FA2H: variants seen among roughly 807,000 people sequenced by gnomAD.
FA2H encodes the protein fatty acid 2-hydroxylase.
Under a neutral mutation model 44.9 loss-of-function variants are expected in FA2H, and 22 were observed. That is an observed-to-expected ratio of 0.49 (90% CI 0.35 to 0.70). FA2H has a LOEUF of 0.70. Among genes scored for constraint, FA2H ranks in the 30% least tolerant of loss-of-function variants. FA2H has a pLI of 0.01. For missense variants in FA2H, 501 were observed against 504.9 expected, an observed-to-expected ratio of 0.99 and a Z score of 0.07; for synonymous variants, 243 against 213.2, an observed-to-expected ratio of 1.14 and a Z score of -1.22.
In FA2H at chr16:74,714,161, T is replaced by G. The variant is rs769964325; in HGVS notation, c.*29A>C. 1.4e-5 allele frequency: 20 copies of G among 1,473,322 alleles called. No homozygotes were observed. Among genetic ancestry groups the G allele is most frequent in the Non-Finnish European group, 1.5e-5 (16 of 1,076,210 alleles). 91.3% of individuals were successfully genotyped at this position (1,473,322 alleles called of 1,614,324 possible). ...GGTCGGGAAGGGGCCAGGGCCGGGC[T>G]GAGGGCAGGACGGAGGGGGTGGGAG... On this transcript the variant is annotated 3_prime_UTR_variant, in exon 7 of 7. Coordinates refer to ENST00000219368, the MANE Select transcript of FA2H (RefSeq NM_024306.5).
At position 74,712,997 on chromosome 16, in the gene FA2H, C is replaced by T. The variant is rs764667334; in HGVS notation, c.*1193G>A. 3 of 152,586 alleles carry T rather than the reference C, an allele frequency of 2.0e-5. No homozygotes were observed. The highest frequency in any genetic ancestry group is 1.3e-4 in the Admixed American group (2 of 15,274). The allele number at this position is 152,586 out of a possible 1,614,324, so 9.5% of individuals were successfully genotyped here. A position where few individuals can be genotyped will look rare whatever the true frequency, so the allele number is the denominator to read the frequency against. On this transcript the variant is annotated 3_prime_UTR_variant, in exon 7 of 7. Coordinates refer to ENST00000219368, the MANE Select transcript of FA2H (RefSeq NM_024306.5). Reference sequence around the variant, plus strand: ...TCAGTGTTTTATTTTTCAAAATATACAATTTAAGTTTTTATTTCACAACCG... The same window carrying T: ...TCAGTGTTTTATTTTTCAAAATATATAATTTAAGTTTTTATTTCACAACCG...
chr16:74,760,942 A>G (rs1206286968), intron 1 of FA2H, among the ~76,000 whole-genome samples: 1 of 152,080 alleles, frequency 6.6e-6, no homozygotes, highest in Non-Finnish European at 1.5e-5. Context: ...TAAGAGTTCA[A>G]GTAGAAATCT....
In FA2H at chr16:74,716,338, C is replaced by T; in HGVS notation, c.1039+9G>A. 1.9e-6 allele frequency: 3 copies of T among 1,613,426 alleles called. No homozygotes were observed. Among genetic ancestry groups the T allele is most frequent in the African/African-American group, 2.7e-5 (2 of 74,956 alleles). ...CATAGGGGGCTGGGAAGCACAGGCC[C>T]ATCCTCACCTGACTTCTGATGTGCA... On this transcript the variant is annotated intron_variant, in intron 6 of 6. Transcript: ENST00000219368.
intron 1 of FA2H, among the ~76,000 whole-genome samples, chr16:74,746,617 A>T (rs1962429956): frequency 6.6e-6 from 1 of 152,166 alleles, no homozygotes; most frequent in Non-Finnish European, 1.5e-5. Flanking sequence ...ATGTGGGCCG[A>T]ACCAACACAT....
At chr16:74,760,429 G>A (rs1962687779) in intron 1 of FA2H, among the ~76,000 whole-genome samples, 1 of 152,166 alleles carries the variant, frequency 6.6e-6, no homozygotes, top group Non-Finnish European at 1.5e-5. Flanking sequence ...CGCCTGTGAT[G>A]GCAGGTAAAG....
intron 2 of FA2H, 39 bp downstream of exon 2, chr16:74,739,984 G>A (rs763161547): frequency 1.4e-6 from 2 of 1,462,782 alleles, no homozygotes; most frequent in Admixed American, 3.3e-5. Context: ...ATTCCCGCCA[G>A]CCCCCAGTCA....
intron 1 of FA2H, among the ~76,000 whole-genome samples, chr16:74,768,914 T>A (rs111921828): frequency 6.6e-6 from 1 of 152,008 alleles, no homozygotes; most frequent in African/African-American, 2.4e-5. Flanking sequence ...CGAGTCAGGC[T>A]TGCCTTCTCC....
At chr16:74,734,972 G>A (rs529492968) in intron 2 of FA2H, among the ~76,000 whole-genome samples, 4 of 152,374 alleles carry the variant, frequency 2.6e-5, no homozygotes, top group Non-Finnish European at 4.4e-5. Context: ...CCGGGGCTGC[G>A]GGAGAGGAGT....
chr16:74,731,313 T>G (rs1962067747), intron 2 of FA2H, among the ~76,000 whole-genome samples: 1 of 151,230 alleles, frequency 6.6e-6, no homozygotes, highest in African/African-American at 2.4e-5. Flanking sequence ...TTTTTTTTTT[T>G]TGTATTTTTA....
rs908101832 is a variant in FA2H, at chr16:74,772,632, G to A, written c.270+1854C>T. ...AGTCCTTTCAACCAAAGATCTAAGA[G>A]TAGTTGCTGGGCTCATCTTGAAAGC... On this transcript the variant is annotated intron_variant, in intron 1 of 6. Transcript: ENST00000219368. Among the ~76,000 whole-genome samples the A allele has an allele frequency of 2.8e-4, 42 of 152,202 alleles. 1 individual carries two copies. The highest frequency in any genetic ancestry group is 9.6e-4 in the African/African-American group (40 of 41,454).
chr16:74,736,182 A>G (rs1307153238), intron 2 of FA2H, among the ~76,000 whole-genome samples: 1 of 152,120 alleles, frequency 6.6e-6, no homozygotes, highest in Admixed American at 6.5e-5. Flanking sequence ...TCCTCTGAAG[A>G]GGGGCCAGGA....
intron 6 of FA2H, among the ~76,000 whole-genome samples, chr16:74,714,526 A>AC (rs1386890280): frequency 8.4e-6 from 1 of 119,760 alleles, no homozygotes; most frequent in Admixed American, 9.1e-5. Context: ...GCCCCCTCCC[A>AC]CCCCCCACCT....
At position 74,768,187 on chromosome 16, in the gene FA2H, C is replaced by T. The variant is rs183403203; in HGVS notation, c.270+6299G>A. 1.1e-3 allele frequency among the ~76,000 whole-genome samples: 168 copies of T among 152,332 alleles called. 1 individual carries two copies. Among genetic ancestry groups the T allele is most frequent in the African/African-American group, 3.7e-3 (155 of 41,574 alleles). On this transcript the variant is annotated intron_variant, in intron 1 of 6. Transcript: ENST00000219368. ...CCGGGAATACTTCCAAAGACAATTA[C>T]TCTCATGTATTTCTAGGAATCCTGT... is the stretch of plus-strand genomic sequence containing the variant.
chr16:74,773,455 GGAACTACTGT>G (rs898261510), intron 1 of FA2H, among the ~76,000 whole-genome samples: 1 of 152,132 alleles, frequency 6.6e-6, no homozygotes, highest in African/African-American at 2.4e-5. Flanking sequence ...TGGACAAGGG[GGAACTACTGT>G]ATATCTAAGC....
intron 1 of FA2H, among the ~76,000 whole-genome samples, chr16:74,741,870 ATGTGTG>A (rs538897022): frequency 9.4e-4 from 79 of 84,302 alleles, no homozygotes; most frequent in African/African-American, 3.4e-3. Context: ...GTGTGTGTGT[ATGTGTG>A]TGTGTGTGTA....
chr16:74,715,116 A>C (rs1961665309), intron 6 of FA2H, among the ~76,000 whole-genome samples: 1 of 151,876 alleles, frequency 6.6e-6, no homozygotes, highest in Admixed American at 6.6e-5. Flanking sequence ...TTACCGGAAA[A>C]TGTTTAAGCA....
At chr16:74,731,626 T>C (rs1158582007) in intron 2 of FA2H, among the ~76,000 whole-genome samples, 1 of 152,024 alleles carries the variant, frequency 6.6e-6, no homozygotes, top group Non-Finnish European at 1.5e-5. Flanking sequence ...GATCAAATAA[T>C]CCTCCCGCCT....
intron 1 of FA2H, 38 bp from the exon 2 acceptor site, chr16:74,740,153 G>C (rs1168077752): frequency 6.5e-7 from 1 of 1,545,068 alleles, no homozygotes; most frequent in South Asian, 1.1e-5. Flanking sequence ...TACACAGTGG[G>C]TGAGGGAAGA....
chr16:74,769,502 A>G (rs989975484), intron 1 of FA2H, among the ~76,000 whole-genome samples: 2 of 152,336 alleles, frequency 1.3e-5, no homozygotes. Flanking sequence ...TAAATATTAC[A>G]TTATGACAGT....
Sources: gnomAD v4.1 joint callset for allele counts (sites outside exome capture counted in the v4.1 genomes callset) on GRCh38, gnomAD v4.1.1 for gene constraint, MANE v1.5 for transcripts, NCBI Gene and HGNC (gene_info 2026-07-23, HGNC 2026-07-21) for gene names.